Variants in MFSD11 observed in about 807,000 individuals in gnomAD.
MFSD11 encodes the protein major facilitator superfamily domain containing 11, also known as UNC93-like protein MFSD11.
In MFSD11, 36 loss-of-function variants were observed where a neutral mutation model predicts 53.5. That is an observed-to-expected ratio of 0.67 (90% CI 0.52 to 0.89). MFSD11 has a LOEUF of 0.89. Ranked by LOEUF, MFSD11 falls within the 40% of genes least tolerant of loss-of-function variation. The probability of loss-of-function intolerance (pLI) is 0.00; values close to 1 mark genes in which losing one functional copy is unlikely to be tolerated. For synonymous variants in MFSD11, 186 were observed against 184.9 expected, an observed-to-expected ratio of 1.01 and a Z score of -0.05; for missense variants, 530 against 543.9, an observed-to-expected ratio of 0.97 and a Z score of 0.25.
In MFSD11 at chr17:76,760,180, A is replaced by G. The variant is rs537238061; in HGVS notation, c.682+6093A>G. ...CTCCTCGGGAGGCTGAGGCAGGAGA[A>G]TTGCTTGAACCCTGGGGTGGGGGTG... is the stretch of plus-strand genomic sequence containing the variant. On this transcript the variant is annotated intron_variant, in intron 8 of 12. Coordinates refer to ENST00000685175, the MANE Select transcript of MFSD11 (RefSeq NM_001242532.5). Among the ~76,000 whole-genome samples the G allele has an allele frequency of 8.1e-4, 118 of 146,274 alleles. No individual in the cohort carries two copies. The South Asian group carries it at 0.014, about 17-fold the overall frequency.
At chr17:76,750,964 C>T (rs1373594529) in intron 7 of MFSD11, among the ~76,000 whole-genome samples, 1 of 151,612 alleles carries the variant, frequency 6.6e-6, no homozygotes, top group Admixed American at 6.6e-5. Flanking sequence ...CCACACCTGG[C>T]TAATTTTTGT....
rs1449258299 is a variant in MFSD11, at chr17:76,778,367, G to GGGTCA, written c.*17_*18insTCAGG. On this transcript the variant is annotated 3_prime_UTR_variant, in exon 13 of 13. Coordinates refer to ENST00000685175, the MANE Select transcript of MFSD11 (RefSeq NM_001242532.5). ...GAAGTATCTGATCTGGTGTCCGTGA[G>GGGTCA]GGGACACGTATGACCTCAGAAACAC... is the stretch of plus-strand genomic sequence containing the variant. The GGGTCA allele has an allele frequency of 1.2e-6, 2 of 1,613,456 alleles. No individual in the cohort carries two copies. The highest frequency in any genetic ancestry group is 1.7e-6 in the Non-Finnish European group (2 of 1,179,566).
At chr17:76,793,321 G>T in the MFSD11 span, among the ~76,000 whole-genome samples, 7 of 151,382 alleles carry the variant, frequency 4.6e-5, no homozygotes, top group African/African-American at 1.5e-4. Context: ...CCTCAGGGCC[G>T]CATTCTCTTT....
At chr17:76,782,654 T>C (rs2082197007), downstream of MFSD11, among the ~76,000 whole-genome samples, 1 of 150,346 alleles carries the variant, frequency 6.7e-6, no homozygotes, top group Admixed American at 6.6e-5. Flanking sequence ...AATTTTTGTA[T>C]TTTTTAGTAG....
intron 7 of MFSD11, among the ~76,000 whole-genome samples, chr17:76,744,787 A>G (rs947434856): frequency 6.6e-6 from 1 of 152,146 alleles, no homozygotes; most frequent in African/African-American, 2.4e-5. Context: ...ATATGTTTCC[A>G]TGGGCAAGGA....
Position 76,742,159 on chromosome 17 carries a change from T to C in MFSD11, c.341-18T>C. On this transcript the variant is annotated intron_variant, in intron 4 of 12. Coordinates refer to ENST00000685175, the MANE Select transcript of MFSD11 (RefSeq NM_001242532.5). ...AGTGAATTTCTTTCCCTTGATAAAC[T>C]TTTGGGTTGAATTTTAGTGCTTTGG... 6.2e-7 allele frequency: 1 copy of C among 1,614,068 alleles called. No homozygotes were observed. Among genetic ancestry groups the C allele is most frequent in the South Asian group, 1.1e-5 (1 of 91,058 alleles).
chr17:76,766,052 C>T (rs1282947084), intron 8 of MFSD11, among the ~76,000 whole-genome samples: 2 of 150,096 alleles, frequency 1.3e-5, no homozygotes, highest in African/African-American at 2.5e-5. Flanking sequence ...GACATGCATT[C>T]ATCATGATAG....
intron 8 of MFSD11, among the ~76,000 whole-genome samples, chr17:76,761,191 G>A (rs1391213712): frequency 1.3e-5 from 2 of 152,122 alleles, no homozygotes; most frequent in African/African-American, 4.8e-5. Flanking sequence ...GGTGACAAGA[G>A]CAAGACTCCA....
At chr17:76,781,210 A>G (rs1182412063), downstream of MFSD11, 2 of 152,194 alleles carry the variant, frequency 1.3e-5, no homozygotes, top group Non-Finnish European at 2.9e-5. Context: ...TTCCTCACAG[A>G]CTGTCAGGCT....
chr17:76,754,981 G>A, intron 8 of MFSD11, among the ~76,000 whole-genome samples: 1 of 152,018 alleles, frequency 6.6e-6, no homozygotes, highest in East Asian at 1.9e-4. Flanking sequence ...ACTTTGGGAG[G>A]TCATGGTGAG....
chr17:76,781,438 T>G (rs1343030093), downstream of MFSD11: 1 of 152,194 alleles, frequency 6.6e-6, no homozygotes, highest in Non-Finnish European at 1.5e-5. Flanking sequence ...CAGTCACTAG[T>G]TCCAGCCTAT....
intron 8 of MFSD11, among the ~76,000 whole-genome samples, chr17:76,763,941 C>T (rs2144692512): frequency 6.6e-6 from 1 of 152,110 alleles, no homozygotes; most frequent in Admixed American, 6.5e-5. Context: ...CAGCTCACTG[C>T]AGCCTCCTCC....
intron 8 of MFSD11, among the ~76,000 whole-genome samples, chr17:76,758,295 T>G (rs369121826): frequency 6.5e-4 from 70 of 107,802 alleles, no homozygotes; most frequent in African/African-American, 2.0e-3. Flanking sequence ...TAAAAGTAAT[T>G]GAGGCTGGGC....
Position 76,742,265 on chromosome 17 carries a change from G to A in MFSD11, c.429G>A (p.Leu143=). The change falls in exon 5 of 13, where the codon CTG becomes CTA. Residue 143 remains leucine, a synonymous_variant. Transcript: ENST00000685175. ...GRNSGIFWAL[L]QSSLFFGNLY... ...ACAGTGGGATTTTCTGGGCACTTCT[G>A]CAGTCTAGGTAATTATCCTTTTGAG... The A allele has an allele frequency of 6.2e-7, 1 of 1,613,190 alleles. No homozygotes were observed. Among genetic ancestry groups the A allele is most frequent in the South Asian group, 1.1e-5 (1 of 91,058 alleles).
chr17:76,801,428 T>C, the MFSD11 span, among the ~76,000 whole-genome samples: 1 of 141,184 alleles, frequency 7.1e-6, no homozygotes, highest in Admixed American at 7.5e-5. Context: ...TAATAGCTAC[T>C]GCATAGGCAG....
the MFSD11 span, among the ~76,000 whole-genome samples, chr17:76,796,811 C>A: frequency 0.024 from 2,780 of 114,222 alleles, 83 homozygotes; most frequent in South Asian, 0.12. Flanking sequence ...CTAAAAATAC[C>A]AAAAAAAAAA....
chr17:76,786,134 A>C (rs1395756710), downstream of MFSD11, among the ~76,000 whole-genome samples: 3 of 144,338 alleles, frequency 2.1e-5, no homozygotes, highest in Non-Finnish European at 3.0e-5. Context: ...GCACTCCTGG[A>C]GCTCTTCTAA....
At chr17:76,769,557 C>A in intron 9 of MFSD11, 189 bp from the exon 10 acceptor site, 1 of 462,200 alleles carries the variant, frequency 2.2e-6, no homozygotes, top group Non-Finnish European at 3.8e-6. Context: ...ACATTTAGTC[C>A]ATAGCATGAA....
At chr17:76,744,938 G>A (rs1290290248) in intron 7 of MFSD11, among the ~76,000 whole-genome samples, 1 of 152,186 alleles carries the variant, frequency 6.6e-6, no homozygotes, top group Non-Finnish European at 1.5e-5. Flanking sequence ...CTTGCTTATG[G>A]TGTCCGGCTC....
Sources: gnomAD v4.1 joint callset for allele counts (sites outside exome capture counted in the v4.1 genomes callset) on GRCh38, gnomAD v4.1.1 for gene constraint, MANE v1.5 for transcripts, NCBI Gene and HGNC (gene_info 2026-07-23, HGNC 2026-07-21) for gene names.